The following GALNT1 variants were observed in gnomAD, a reference collection of about 807,000 sequenced individuals.
GALNT1 encodes polypeptide N-acetylgalactosaminyltransferase 1.
GALNT1 carries 17 observed loss-of-function variants against 65.7 expected under a neutral mutation model. That is an observed-to-expected ratio of 0.26 (90% CI 0.18 to 0.39). GALNT1 has a LOEUF of 0.39. Among genes scored for constraint, GALNT1 ranks in the 10% least tolerant of loss-of-function variants. The pLI, the probability that GALNT1 is intolerant of heterozygous loss-of-function variation, is 1.00. For synonymous variants in GALNT1, 210 were observed against 219.7 expected (o/e 0.96, Z 0.39); for missense variants, 460 against 672.8 (o/e 0.68, Z 3.50).
chr18:35,697,414 A>G lies in GALNT1; in HGVS notation c.1299+5094A>G, dbSNP rs147813378. On this transcript the variant is annotated intron_variant, in intron 9 of 11. Transcript: ENST00000269195. Reference sequence around the variant, plus strand: ...ATATGTTTGGGCAATACTATTTTACATCTTACATCCATCTGTACCACCATT... The same window carrying G: ...ATATGTTTGGGCAATACTATTTTACGTCTTACATCCATCTGTACCACCATT... 2.5e-3 allele frequency among the ~76,000 whole-genome samples: 385 copies of G among 152,374 alleles called. 2 individuals are homozygous for G. The highest frequency in any genetic ancestry group is 5.2e-3 in the South Asian group (25 of 4,826).
At chr18:35,639,546 C>A (rs1170246988) in intron 1 of GALNT1, among the ~76,000 whole-genome samples, 1 of 152,156 alleles carries the variant, frequency 6.6e-6, no homozygotes, top group African/African-American at 2.4e-5. Flanking sequence ...CCTGCAGTAT[C>A]TCTGAGGTAT....
chr18:35,587,966 T>G (rs1173270760), intron 1 of GALNT1, among the ~76,000 whole-genome samples: 1 of 152,214 alleles, frequency 6.6e-6, no homozygotes, highest in Non-Finnish European at 1.5e-5. Context: ...TTTCATCTTC[T>G]GTTTTCGGTT....
At chr18:35,704,335 G>A (rs1449465376) in intron 11 of GALNT1, among the ~76,000 whole-genome samples, 4 of 150,064 alleles carry the variant, frequency 2.7e-5, no homozygotes, top group Non-Finnish European at 5.9e-5. Flanking sequence ...TTTGAGGCAG[G>A]GTCTTGCTCT....
Position 35,711,368 on chromosome 18 carries a change from A to G in GALNT1, c.*1598A>G, listed in dbSNP as rs1255287143. On this transcript the variant is annotated 3_prime_UTR_variant, in exon 12 of 12. Coordinates refer to ENST00000269195, the MANE Select transcript of GALNT1 (RefSeq NM_020474.4). Reference sequence around the variant, plus strand: ...GAATGTTTCCAAAAGTCGCATCGCTAATGATATTTGCCAAGTTGAGTGTAC... The same window carrying G: ...GAATGTTTCCAAAAGTCGCATCGCTGATGATATTTGCCAAGTTGAGTGTAC... 2.0e-5 allele frequency: 3 copies of G among 152,638 alleles called. No homozygotes were observed. The highest frequency in any genetic ancestry group is 2.9e-5 in the Non-Finnish European group (2 of 68,032). The allele number at this position is 152,638 out of a possible 1,614,324, so 9.5% of individuals were successfully genotyped here. A position where few individuals can be genotyped will look rare whatever the true frequency, so the allele number is the denominator to read the frequency against.
intron 3 of GALNT1, among the ~76,000 whole-genome samples, chr18:35,671,611 C>T (rs2047637399): frequency 6.6e-6 from 1 of 152,138 alleles, no homozygotes; most frequent in Non-Finnish European, 1.5e-5. Flanking sequence ...TAAAGTTTGA[C>T]TTAATAAATC....
At chr18:35,667,209 T>G (rs1468291206) in intron 3 of GALNT1, among the ~76,000 whole-genome samples, 7 of 152,180 alleles carry the variant, frequency 4.6e-5, no homozygotes, top group Admixed American at 4.6e-4. Context: ...ATGGAGTATC[T>G]CCTTCAATAT....
At chr18:35,676,856 T>C (rs2144567999) in intron 3 of GALNT1, among the ~76,000 whole-genome samples, 1 of 152,372 alleles carries the variant, frequency 6.6e-6, no homozygotes, top group South Asian at 2.1e-4. Context: ...CCATGTTGCC[T>C]AACAAAGTGC....
chr18:35,626,147 A>T (rs537313263), intron 1 of GALNT1, among the ~76,000 whole-genome samples: 80 of 152,300 alleles, frequency 5.3e-4, no homozygotes, highest in Non-Finnish European at 5.9e-4. Context: ...TGTGCGCTAT[A>T]GCCCGTCACA....
At chr18:35,659,175 C>T (rs1327110272) in intron 2 of GALNT1, among the ~76,000 whole-genome samples, 1 of 152,142 alleles carries the variant, frequency 6.6e-6, no homozygotes, top group African/African-American at 2.4e-5. Context: ...GCTCTGATTT[C>T]GGTGAAATTT....
chr18:35,663,887 T>C (rs1453805932), intron 3 of GALNT1, 85 bp downstream of exon 3: 2 of 1,264,836 alleles, frequency 1.6e-6, no homozygotes, highest in East Asian at 2.3e-5. Flanking sequence ...TGCTGATTGT[T>C]CTTAAGGCAA....
At chr18:35,699,145 C>G (rs2048112811) in intron 9 of GALNT1, among the ~76,000 whole-genome samples, 1 of 152,144 alleles carries the variant, frequency 6.6e-6, no homozygotes, top group Non-Finnish European at 1.5e-5. Context: ...AATCTTATAA[C>G]TAATGTATGC....
Position 35,709,937 on chromosome 18 carries a change from G to A in GALNT1, c.*167G>A, listed in dbSNP as rs2048328621. ...AGACTTCTCTAGCTTTTCACTAGCT[G>A]TGAACCAGCCTTCCTGTCCATGGAC... On this transcript the variant is annotated 3_prime_UTR_variant, in exon 12 of 12. Transcript: ENST00000269195. The A allele has an allele frequency of 4.2e-6, 3 of 712,476 alleles. No homozygotes were observed. The highest frequency in any genetic ancestry group is 6.8e-6 in the Non-Finnish European group (3 of 441,708). The allele number at this position is 712,476 out of a possible 1,614,324, so 44.1% of individuals were successfully genotyped here. A position where few individuals can be genotyped will look rare whatever the true frequency, so the allele number is the denominator to read the frequency against.
chr18:35,633,307 A>G (rs950432686), intron 1 of GALNT1, among the ~76,000 whole-genome samples: 9 of 152,188 alleles, frequency 5.9e-5, no homozygotes, highest in African/African-American at 1.9e-4. Flanking sequence ...ATGTCCAACA[A>G]TGATAGACTG....
chr18:35,631,808 CCAT>C, intron 1 of GALNT1, among the ~76,000 whole-genome samples: 1 of 152,228 alleles, frequency 6.6e-6, no homozygotes, highest in Non-Finnish European at 1.5e-5. Flanking sequence ...CTAGAAAACC[CCAT>C]CGTCTCAGCC....
intron 3 of GALNT1, among the ~76,000 whole-genome samples, chr18:35,668,486 G>A (rs1054269514): frequency 6.6e-6 from 1 of 152,078 alleles, no homozygotes; most frequent in East Asian, 1.9e-4. Flanking sequence ...AGCAGATAAT[G>A]GTATGAAAAA....
chr18:35,613,434 G>A (rs149281003), intron 1 of GALNT1, among the ~76,000 whole-genome samples: 2,588 of 152,240 alleles, frequency 0.017, 36 homozygotes, highest in Middle Eastern at 0.041. Context: ...TAAATGCATC[G>A]TTGAGCTGAC....
intron 1 of GALNT1, among the ~76,000 whole-genome samples, chr18:35,635,356 C>T (rs965217969): frequency 4.6e-5 from 7 of 152,136 alleles, no homozygotes; most frequent in Non-Finnish European, 8.8e-5. Context: ...CTGGGGACCC[C>T]ACACCAGACA....
At chr18:35,685,254 T>A (rs2047849978) in intron 5 of GALNT1, among the ~76,000 whole-genome samples, 1 of 151,952 alleles carries the variant, frequency 6.6e-6, no homozygotes, top group Non-Finnish European at 1.5e-5. Flanking sequence ...GTAAAAAACA[T>A]ATCATGATAT....
chr18:35,697,261 A>G (rs1392081190), intron 9 of GALNT1, among the ~76,000 whole-genome samples: 1 of 152,306 alleles, frequency 6.6e-6, no homozygotes, highest in East Asian at 1.9e-4. Flanking sequence ...CTGCTTTACC[A>G]ATGAGAAAGG....
Sources: allele counts gnomAD v4.1 joint callset (sites outside exome capture counted in the v4.1 genomes callset), GRCh38; gene constraint gnomAD v4.1.1; transcripts MANE v1.5; gene names NCBI Gene and HGNC (gene_info 2026-07-23, HGNC 2026-07-21).